The following PHF14 variants were observed in gnomAD, a reference collection of about 807,000 sequenced individuals.
PHF14 encodes PHD finger protein 14.
Under a neutral mutation model 117.9 loss-of-function variants are expected in PHF14, and 55 were observed. That is an observed-to-expected ratio of 0.47 (90% CI 0.38 to 0.58). PHF14 has a LOEUF of 0.58. Ranked by LOEUF, PHF14 falls within the 20% of genes least tolerant of loss-of-function variation. The probability of loss-of-function intolerance (pLI) is 0.00; values close to 1 mark genes in which losing one functional copy is unlikely to be tolerated. For synonymous variants in PHF14, 409 were observed against 368.6 expected (o/e 1.11, Z -1.26); for missense variants, 978 against 1,122.2 (o/e 0.87, Z 1.84).
At position 11,159,273 on chromosome 7, in the gene PHF14, G is replaced by A. The variant is rs111586769; in HGVS notation, c.2773-10143G>A. 7.6e-3 allele frequency among the ~76,000 whole-genome samples: 1,154 copies of A among 151,932 alleles called. 19 individuals are homozygous for A. Among genetic ancestry groups the A allele is most frequent in the African/African-American group, 0.027 (1,106 of 41,466 alleles). ...CTATTTGTTTTTGGTTTTTGACATGGTGTGATCTATAACTATTTTTTTTAA... is the reference window on the plus strand; with the variant it reads ...CTATTTGTTTTTGGTTTTTGACATGATGTGATCTATAACTATTTTTTTTAA... On this transcript the variant is annotated intron_variant, in intron 17 of 17. Coordinates refer to ENST00000634607, the MANE Select transcript of PHF14 (RefSeq NM_001007157.2).
chr7:11,158,208 TCTC>T (rs1338844295), intron 17 of PHF14, among the ~76,000 whole-genome samples: 1 of 152,164 alleles, frequency 6.6e-6, no homozygotes, highest in African/African-American at 2.4e-5. Context: ...TGTCATTATG[TCTC>T]CTCAATCTCT....
chr7:11,168,296 TGTTAACA>T (rs530383009), intron 17 of PHF14, among the ~76,000 whole-genome samples: 58 of 152,294 alleles, frequency 3.8e-4, no homozygotes, highest in African/African-American at 1.3e-3. Flanking sequence ...ACTTTCCCAG[TGTTAACA>T]AAGTCTAAAT....
At chr7:11,021,741 G>C (rs191613561) in intron 5 of PHF14, among the ~76,000 whole-genome samples, 116 of 152,192 alleles carry the variant, frequency 7.6e-4, no homozygotes, top group African/African-American at 2.7e-3. Flanking sequence ...TGGGAGGTTG[G>C]ATTAAAACAT....
chr7:11,052,860 G>A (rs1036115401), intron 14 of PHF14, among the ~76,000 whole-genome samples: 1 of 151,984 alleles, frequency 6.6e-6, no homozygotes, highest in Non-Finnish European at 1.5e-5. Context: ...AGTTTCTTCT[G>A]GGGAAATCAT....
At chr7:11,105,668 T>A (rs13238887) in intron 16 of PHF14, 1 of 983,802 alleles carries the variant, frequency 1.0e-6, no homozygotes, top group African/African-American at 1.7e-5. Context: ...AGGATTGTGA[T>A]TTCTAAGATA....
At chr7:10,995,699 G>A (rs1782619225) in intron 4 of PHF14, among the ~76,000 whole-genome samples, 1 of 152,338 alleles carries the variant, frequency 6.6e-6, no homozygotes, top group South Asian at 2.1e-4. Flanking sequence ...CTGCCCCGCA[G>A]GGAGGCAGCT....
intron 5 of PHF14, among the ~76,000 whole-genome samples, chr7:11,020,680 C>T (rs1235518068): frequency 1.3e-5 from 2 of 149,224 alleles, no homozygotes; most frequent in East Asian, 3.9e-4. Context: ...TGCCTGACCA[C>T]TTCTTTCTTT....
At chr7:11,107,832 A>G (rs775667132) in intron 16 of PHF14, 2 of 643,218 alleles carry the variant, frequency 3.1e-6, no homozygotes, top group African/African-American at 2.0e-5. Context: ...TTTGTCCTAT[A>G]TTATGTGCTG....
chr7:10,982,590 C>G lies in PHF14; in HGVS notation c.331C>G (p.Pro111Ala), dbSNP rs1006008506. The change falls in exon 3 of 18, where the codon CCT becomes GCT. Residue 111 changes from proline (P) to alanine (A), a missense_variant. Transcript: ENST00000634607. ...GGAAGAAGAAGAAAATGGAGAAAGA[C>G]CTAGAAAGAAAAAGGAGAAAGAGAA... ...KKEEEENGERPRKKKEKEKEK... is the reference protein window; with the variant it reads ...KKEEEENGERARKKKEKEKEK... 1.5e-5 allele frequency: 23 copies of G among 1,496,784 alleles called. No individual in the cohort carries two copies. Among genetic ancestry groups the G allele is most frequent in the Non-Finnish European group, 1.8e-5 (20 of 1,103,216 alleles). The allele number at this position is 1,496,784 out of a possible 1,614,324, so 92.7% of individuals were successfully genotyped here.
intron 4 of PHF14, among the ~76,000 whole-genome samples, chr7:11,010,241 GT>G (rs1277169309): frequency 4.6e-5 from 7 of 152,028 alleles, no homozygotes; most frequent in Middle Eastern, 3.4e-3. Flanking sequence ...TGAATATAAT[GT>G]TTTGTTCTTT....
At chr7:10,990,044 C>A (rs555490867) in intron 3 of PHF14, among the ~76,000 whole-genome samples, 6 of 152,284 alleles carry the variant, frequency 3.9e-5, no homozygotes, top group African/African-American at 1.4e-4. Flanking sequence ...GCTAGTCAAT[C>A]TGGATCCTTT....
At chr7:10,986,415 GA>G (rs1698564576) in intron 3 of PHF14, among the ~76,000 whole-genome samples, 1 of 152,118 alleles carries the variant, frequency 6.6e-6, no homozygotes, top group Non-Finnish European at 1.5e-5. Flanking sequence ...GTAGTGTCTG[GA>G]AAACTTCATG....
intron 14 of PHF14, among the ~76,000 whole-genome samples, chr7:11,055,025 C>T (rs929835751): frequency 6.6e-6 from 1 of 152,082 alleles, no homozygotes; most frequent in Non-Finnish European, 1.5e-5. Context: ...ACAGCAACTG[C>T]CCTGTTTACC....
chr7:10,985,630 C>G lies in PHF14; in HGVS notation c.900+2471C>G, dbSNP rs573356532. Among the ~76,000 whole-genome samples, 5 of 118,188 alleles carry G rather than the reference C, an allele frequency of 4.2e-5. No homozygotes were observed. In the South Asian group the frequency reaches 1.3e-3, roughly 30 times the overall value. 77.5% of individuals were successfully genotyped at this position (118,188 alleles called of 152,430 possible). ...CCTGAAATACTCTCTAGCAGTGATTCTCAAACTGTTTTTTTTTTTTTTTTT... is the reference window on the plus strand; with the variant it reads ...CCTGAAATACTCTCTAGCAGTGATTGTCAAACTGTTTTTTTTTTTTTTTTT... On this transcript the variant is annotated intron_variant, in intron 3 of 17. Coordinates refer to ENST00000634607, the MANE Select transcript of PHF14 (RefSeq NM_001007157.2).
At chr7:11,056,146 G>C (rs1583419096) in intron 14 of PHF14, among the ~76,000 whole-genome samples, 1 of 151,322 alleles carries the variant, frequency 6.6e-6, no homozygotes, top group East Asian at 2.0e-4. Flanking sequence ...TTGGCTACTT[G>C]GAAGAGATCT....
chr7:10,978,025 T>A (rs1405804016), intron 2 of PHF14, among the ~76,000 whole-genome samples: 1 of 152,138 alleles, frequency 6.6e-6, no homozygotes, highest in East Asian at 1.9e-4. Context: ...TCTCTACCCC[T>A]ATCCCCCACC....
chr7:11,164,733 A>G (rs1789150666), intron 17 of PHF14, among the ~76,000 whole-genome samples: 1 of 152,228 alleles, frequency 6.6e-6, no homozygotes, highest in African/African-American at 2.4e-5. Flanking sequence ...TTATGTAACC[A>G]TAGTACAATT....
intron 17 of PHF14, among the ~76,000 whole-genome samples, chr7:11,122,415 A>ATATATATACACGTATATATATATACACG (rs1787801280): frequency 3.2e-5 from 4 of 124,164 alleles, no homozygotes; most frequent in African/African-American, 1.3e-4. Context: ...ATATACACGT[A>ATATATATACACGTATATATATATACACG]TATATATATA....
At chr7:11,056,027 A>C (rs1434198834) in intron 14 of PHF14, among the ~76,000 whole-genome samples, 2 of 152,172 alleles carry the variant, frequency 1.3e-5, no homozygotes, top group Admixed American at 1.3e-4. Context: ...TTCTATTATC[A>C]GACTCAAGGT....
Sources: gnomAD v4.1 joint callset for allele counts (sites outside exome capture counted in the v4.1 genomes callset) on GRCh38, gnomAD v4.1.1 for gene constraint, MANE v1.5 for transcripts, NCBI Gene and HGNC (gene_info 2026-07-23, HGNC 2026-07-21) for gene names.